Variants in PI4KA observed in about 807,000 individuals in gnomAD.
PI4KA encodes the protein PI4-kinase alpha.
In PI4KA, 122 loss-of-function variants were observed where a neutral mutation model predicts 271.4. The observed-to-expected ratio is 0.45, with a 90% confidence interval of 0.39 to 0.52. The LOEUF is 0.52. Ranked by LOEUF, PI4KA falls within the 20% of genes least tolerant of loss-of-function variation. The pLI, the probability that PI4KA is intolerant of heterozygous loss-of-function variation, is 0.00. For synonymous variants in PI4KA, 1,041 were observed against 1,078.8 expected (o/e 0.96, Z 0.69); for missense variants, 1,969 against 2,769.1 (o/e 0.71, Z 6.48).
chr22:20,832,422 T>A (rs955464184), intron 3 of PI4KA, among the ~76,000 whole-genome samples: 4 of 151,866 alleles, frequency 2.6e-5, no homozygotes, highest in Admixed American at 6.6e-5. Flanking sequence ...GCCGAAATTC[T>A]TGAAGTGAGT....
chr22:20,857,387 C>G (rs769791922), intron 1 of PI4KA, among the ~76,000 whole-genome samples: 7 of 152,220 alleles, frequency 4.6e-5, no homozygotes, highest in Non-Finnish European at 1.0e-4. Context: ...ACCGACAAGG[C>G]CAAGGACCAG....
chr22:20,788,434 C>T (rs548882261), intron 19 of PI4KA, among the ~76,000 whole-genome samples: 5 of 152,268 alleles, frequency 3.3e-5, no homozygotes, highest in African/African-American at 1.2e-4. Context: ...AGTCTCCTTA[C>T]CCTCAATCCC....
intron 7 of PI4KA, among the ~76,000 whole-genome samples, chr22:20,814,701 A>C (rs1467723576): frequency 6.6e-6 from 1 of 151,880 alleles, no homozygotes; most frequent in Non-Finnish European, 1.5e-5. Flanking sequence ...TGGAGCTATG[A>C]ATTTGTCACT....
chr22:20,729,653 C>A lies in PI4KA; in HGVS notation c.4467G>T (p.Arg1489Ser), dbSNP rs867784816. ...TTACCAGCAGGGACAGCAGCAGCGT[C>A]CTGCGCTTCATGTAGTATTTGTGCA... is the stretch of plus-strand genomic sequence containing the variant. ...SQLHKYYMKRRTLLLSLLATE... is the reference protein window; with the variant it reads ...SQLHKYYMKRSTLLLSLLATE... Residue 1489 changes from arginine (R) to serine (S), a missense_variant, in exon 38 of 55, where the codon AGG becomes AGT. This residue lies in a region of PI4KA where 388 missense variants were observed against 521.5 expected (regional missense o/e 0.74). Transcript: ENST00000255882. 1 of 1,576,644 alleles carries A rather than the reference C, an allele frequency of 6.3e-7. No homozygotes were observed. Among genetic ancestry groups the A allele is most frequent in the Non-Finnish European group, 8.6e-7 (1 of 1,159,286 alleles).
In PI4KA at chr22:20,764,822, G is replaced by A. The variant is rs1399521546; in HGVS notation, c.2703C>T (p.Tyr901=). 4 of 1,611,788 alleles carry A rather than the reference G, an allele frequency of 2.5e-6. No individual in the cohort carries two copies. Among genetic ancestry groups the A allele is most frequent in the South Asian group, 1.1e-5 (1 of 90,602 alleles). Residue 901 remains tyrosine (Y), a synonymous_variant, in exon 22 of 55, where the codon TAC becomes TAT. Coordinates refer to ENST00000255882, the MANE Select transcript of PI4KA (RefSeq NM_058004.4). ...GGTGGTGAAGGCACGTGTACCTCAT[G>A]TACTCCAGCCGGTACACAGAGAGGA... is the stretch of plus-strand genomic sequence containing the variant. ...TYLLSVYRLE[Y]MRVLRSTDPD...
At chr22:20,747,757 C>G in intron 28 of PI4KA, 55 bp from the exon 29 acceptor site, 1 of 1,569,418 alleles carries the variant, frequency 6.4e-7, no homozygotes, top group African/African-American at 1.3e-5. Flanking sequence ...TTTTTAGAGG[C>G]AGGGTCTCGC....
intron 42 of PI4KA, among the ~76,000 whole-genome samples, chr22:20,723,691 C>T (rs185909559): frequency 3.0e-3 from 461 of 151,920 alleles, no homozygotes; most frequent in East Asian, 0.013. Flanking sequence ...ATTAGCCAGG[C>T]GTGGTGGTAC....
chr22:20,734,374 C>A, intron 33 of PI4KA, 21 bp downstream of exon 33: 1 of 1,543,264 alleles, frequency 6.5e-7, no homozygotes, highest in South Asian at 1.1e-5. Context: ...CCACAGCCTT[C>A]GTGGGGGAAC....
At chr22:20,849,260 T>A (rs1415877813) in intron 1 of PI4KA, among the ~76,000 whole-genome samples, 1 of 152,190 alleles carries the variant, frequency 6.6e-6, no homozygotes, top group African/African-American at 2.4e-5. Flanking sequence ...ATGTAAATGG[T>A]GTAGTAACTT....
chr22:20,749,138 G>A (rs1930409697), intron 28 of PI4KA, among the ~76,000 whole-genome samples: 1 of 152,184 alleles, frequency 6.6e-6, no homozygotes. Context: ...TGAACAAAGG[G>A]AAATAGTTTC....
intron 41 of PI4KA, 106 bp downstream of exon 41, chr22:20,727,124 G>T: frequency 1.0e-6 from 1 of 969,020 alleles, no homozygotes; most frequent in Non-Finnish European, 1.5e-6. Context: ...GGACCAGTAT[G>T]TAACGGGGCG....
chr22:20,759,947 G>A (rs1353985210), intron 23 of PI4KA, among the ~76,000 whole-genome samples: 13 of 152,202 alleles, frequency 8.5e-5, no homozygotes, highest in Admixed American at 1.3e-4. Flanking sequence ...TGATCTACCT[G>A]CCTCAGCTTC....
At chr22:20,839,895 A>G (rs1010480195) in intron 1 of PI4KA, among the ~76,000 whole-genome samples, 1 of 152,196 alleles carries the variant, frequency 6.6e-6, no homozygotes, top group African/African-American at 2.4e-5. Context: ...AATGCTCAAT[A>G]AACATTATCT....
At chr22:20,761,054 A>T (rs1931910910) in intron 23 of PI4KA, among the ~76,000 whole-genome samples, 1 of 152,160 alleles carries the variant, frequency 6.6e-6, no homozygotes, top group African/African-American at 2.4e-5. Context: ...GTCCCTCTAG[A>T]TGAGTGCTGG....
chr22:20,803,088 G>C (rs967965173), intron 13 of PI4KA, 103 bp downstream of exon 13: 1 of 1,189,354 alleles, frequency 8.4e-7, no homozygotes, highest in African/African-American at 1.5e-5. Flanking sequence ...GAAAGGTGTG[G>C]CGAAGGAATG....
chr22:20,858,470 G>A lies in PI4KA; in HGVS notation c.156+100C>T, dbSNP rs934194695. The A allele has an allele frequency of 2.4e-5, 21 of 877,370 alleles. No homozygotes were observed. In the East Asian group the frequency reaches 4.1e-4, roughly 17 times the overall value. 54.3% of individuals were successfully genotyped at this position (877,370 alleles called of 1,614,324 possible). ...GCCCCCTCCCGCACAGGCTGCCGGC[G>A]AGCCCAGCCTCGGCCTCCCACAGAC... On this transcript the variant is annotated intron_variant, in intron 1 of 54. Coordinates refer to ENST00000255882, the MANE Select transcript of PI4KA (RefSeq NM_058004.4).
intron 45 of PI4KA, among the ~76,000 whole-genome samples, chr22:20,717,030 G>A (rs1307182207): frequency 2.6e-5 from 4 of 152,144 alleles, no homozygotes; most frequent in Non-Finnish European, 1.5e-5. Context: ...CAGATCACAA[G>A]GTCAGGAGAT....
At chr22:20,819,148 C>T (rs922226332) in intron 6 of PI4KA, among the ~76,000 whole-genome samples, 3 of 152,142 alleles carry the variant, frequency 2.0e-5, no homozygotes, top group African/African-American at 7.2e-5. Flanking sequence ...GAAAGGGAGG[C>T]AGTGTGTCAT....
intron 3 of PI4KA, among the ~76,000 whole-genome samples, chr22:20,831,014 C>G (rs1924091917): frequency 6.6e-6 from 1 of 152,110 alleles, no homozygotes; most frequent in Non-Finnish European, 1.5e-5. Flanking sequence ...CTCAGGTGTT[C>G]CATCCGCCTT....
Sources: gnomAD v4.1 joint callset for allele counts (sites outside exome capture counted in the v4.1 genomes callset) on GRCh38, gnomAD v4.1.1 for gene constraint, gnomAD v4.1.1 regional missense constraint, MANE v1.5 for transcripts, NCBI Gene and HGNC (gene_info 2026-07-23, HGNC 2026-07-21) for gene names.